CLCA1: variants seen among roughly 807,000 people sequenced by gnomAD.
The protein encoded by CLCA1 is calcium-activated chloride channel regulator 1.
A neutral mutation model predicts 85.6 loss-of-function variants in CLCA1; 59 were observed. The ratio of observed to expected loss-of-function variants is 0.69; its 90% CI spans 0.56 to 0.86. The LOEUF is 0.86. Among genes scored for constraint, CLCA1 ranks in the 40% least tolerant of loss-of-function variants. CLCA1 has a pLI of 0.00. For missense variants in CLCA1, 1,022 were observed against 1,101.4 expected (o/e 0.93, Z 1.02); for synonymous variants, 396 against 398.3 (o/e 0.99, Z 0.07).
chr1:86,494,351 C>T lies in CLCA1; in HGVS notation c.1845C>T (p.Arg615=), dbSNP rs1648218130. The T allele has an allele frequency of 6.2e-7, 1 of 1,614,166 alleles. No individual in the cohort carries two copies. Among genetic ancestry groups the T allele is most frequent in the Non-Finnish European group, 8.5e-7 (1 of 1,180,016 alleles). The change falls in exon 11 of 14, where the codon CGC becomes CGT. Residue 615 remains arginine, a synonymous_variant. Transcript: ENST00000394711. ...CTCTGGTAGTTTATGCAAATATTCG[C>T]CAAGGAGCCTCCCCAATTCTCAGGG... is the stretch of plus-strand genomic sequence containing the variant. ...PSPLVVYANI[R]QGASPILRAS...
intron 12 of CLCA1, among the ~76,000 whole-genome samples, chr1:86,497,394 G>T (rs554758472): frequency 1.3e-5 from 2 of 152,316 alleles, no homozygotes; most frequent in African/African-American, 4.8e-5. Flanking sequence ...CTATAAAGAG[G>T]TAGAGTTTAT....
At position 86,486,707 on chromosome 1, in the gene CLCA1, C is replaced by T. The variant is rs1289765361; in HGVS notation, c.1136C>T (p.Ala379Val). 2.5e-6 allele frequency: 4 copies of T among 1,614,082 alleles called. No individual in the cohort carries two copies. The highest frequency in any genetic ancestry group is 1.1e-5 in the South Asian group (1 of 91,090). ...CTCGCCAAAAGATTACCTGCAGCAG[C>T]TTCAGGAGGGACGTCCATCTGCAGC... Reference protein sequence around the residue: ...DTLAKRLPAAASGGTSICSGL... With the variant: ...DTLAKRLPAAVSGGTSICSGL... Residue 379 changes from alanine (A) to valine (V), a missense_variant, in exon 7 of 14, where the codon GCT becomes GTT. Transcript: ENST00000394711.
intron 3 of CLCA1, among the ~76,000 whole-genome samples, chr1:86,475,212 A>G (rs1458189055): frequency 6.6e-6 from 1 of 152,158 alleles, no homozygotes; most frequent in Admixed American, 6.5e-5. Flanking sequence ...TCCTTTCTGT[A>G]TTGTGACTCC....
chr1:86,495,925 G>A (rs1268224902), intron 12 of CLCA1, among the ~76,000 whole-genome samples: 3 of 152,140 alleles, frequency 2.0e-5, no homozygotes, highest in Non-Finnish European at 4.4e-5. Context: ...AATCAAAAAT[G>A]TCTCCATATG....
Position 86,489,220 on chromosome 1 carries a change from G to A in CLCA1, c.1357+50G>A, listed in dbSNP as rs1358071166. 15 of 1,518,344 alleles carry A rather than the reference G, an allele frequency of 9.9e-6. 1 individual carries two copies. In the Admixed American group the frequency reaches 2.7e-4, roughly 27 times the overall value. The allele number at this position is 1,518,344 out of a possible 1,614,324, so 94.1% of individuals were successfully genotyped here. ...CCGGTATTGTCTCTCCTACTGGACT[G>A]TGAGCTCCAGTGAACTGGGGAGTGG... is the stretch of plus-strand genomic sequence containing the variant. On this transcript the variant is annotated intron_variant, in intron 8 of 13. Transcript: ENST00000394711.
chr1:86,469,842 G>C lies in CLCA1; in HGVS notation c.162+709G>C, dbSNP rs550915443. 2.6e-5 allele frequency among the ~76,000 whole-genome samples: 4 copies of C among 152,266 alleles called. No homozygotes were observed. In the East Asian group the frequency reaches 7.7e-4, roughly 29 times the overall value. ...CACATCCAGAGGCAGTGCTGTACTA[G>C]TAACAGTATTAGTCTGTAAAATGGG... On this transcript the variant is annotated intron_variant, in intron 1 of 13. Coordinates refer to ENST00000394711, the MANE Select transcript of CLCA1 (RefSeq NM_001285.4).
At chr1:86,480,944 T>C (rs919376028) in intron 4 of CLCA1, among the ~76,000 whole-genome samples, 1 of 152,202 alleles carries the variant, frequency 6.6e-6, no homozygotes, top group Non-Finnish European at 1.5e-5. Flanking sequence ...CTTTTGGATA[T>C]AGTAATTACT....
In CLCA1 at chr1:86,468,991, C is replaced by T; in HGVS notation, c.20C>T (p.Ser7Phe). MGPFKS[S>F]VFILILHLLE... ...ACAGCAATGGGGCCATTTAAGAGTT[C>T]TGTGTTCATCTTGATTCTTCACCTT... The change falls in exon 1 of 14, where the codon TCT becomes TTT. Residue 7 changes from serine to phenylalanine, a missense_variant. Ser to Phe is a radical substitution (Grantham distance 155). Coordinates refer to ENST00000394711, the MANE Select transcript of CLCA1 (RefSeq NM_001285.4). The T allele has an allele frequency of 6.2e-7, 1 of 1,610,520 alleles. No homozygotes were observed. Among genetic ancestry groups the T allele is most frequent in the Non-Finnish European group, 8.5e-7 (1 of 1,178,242 alleles).
chr1:86,487,465 T>C (rs1228088226), intron 7 of CLCA1, among the ~76,000 whole-genome samples: 3 of 152,066 alleles, frequency 2.0e-5, no homozygotes, highest in East Asian at 3.9e-4. Flanking sequence ...GGATGCCCCC[T>C]GGGGTGGAGT....
intron 11 of CLCA1, 65 bp downstream of exon 11, chr1:86,494,513 G>C: frequency 1.3e-6 from 2 of 1,572,764 alleles, no homozygotes; most frequent in Non-Finnish European, 1.7e-6. Flanking sequence ...GGAATGCCAA[G>C]AGGGCATGGT....
intron 1 of CLCA1, 50 bp downstream of exon 1, chr1:86,469,183 T>G (rs1322867469): frequency 7.2e-7 from 1 of 1,395,880 alleles, no homozygotes; most frequent in Admixed American, 2.0e-5. Flanking sequence ...CATAATGTTG[T>G]GATAGAGAGA....
At chr1:86,483,407 A>G (rs906828672) in intron 5 of CLCA1, among the ~76,000 whole-genome samples, 1 of 152,218 alleles carries the variant, frequency 6.6e-6, no homozygotes, top group African/African-American at 2.4e-5. Flanking sequence ...TTGTACAACT[A>G]ATGATTACTT....
At position 86,498,806 on chromosome 1, in the gene CLCA1, G is replaced by T. The variant is rs1368018391; in HGVS notation, c.2348G>T (p.Gly783Val). The T allele has an allele frequency of 3.1e-6, 5 of 1,613,378 alleles. No individual in the cohort carries two copies. Among genetic ancestry groups the T allele is most frequent in the Non-Finnish European group, 8.5e-7 (1 of 1,179,500 alleles). Reference protein sequence around the residue: ...WTAPGDDYDHGTAHKYIIRIS... With the variant: ...WTAPGDDYDHVTAHKYIIRIS... The stretch of plus-strand genomic sequence containing the variant: ...GCTCCTGGGGATGATTATGACCATG[G>T]AACAGGTAAGCTGAACCTGGTGTGG... The change falls in exon 13 of 14, where the codon GGA becomes GTA. Residue 783 changes from glycine to valine, a missense_variant. Physicochemically the swap from Gly to Val is moderately radical, Grantham distance 109. Transcript: ENST00000394711.
chr1:86,482,823 G>A (rs956195164), intron 5 of CLCA1, among the ~76,000 whole-genome samples: 2 of 152,166 alleles, frequency 1.3e-5, no homozygotes, highest in Non-Finnish European at 2.9e-5. Context: ...ATCTTTTTAA[G>A]AGTGTTGGTT....
At chr1:86,471,159 G>A (rs975078351) in intron 1 of CLCA1, among the ~76,000 whole-genome samples, 2 of 148,184 alleles carry the variant, frequency 1.3e-5, no homozygotes, top group African/African-American at 4.9e-5. Flanking sequence ...ACGTCAGAAG[G>A]TACACAGTAG....
intron 1 of CLCA1, among the ~76,000 whole-genome samples, chr1:86,472,346 C>T (rs2101726945): frequency 6.6e-6 from 1 of 152,298 alleles, no homozygotes; most frequent in East Asian, 1.9e-4. Context: ...CGCCCTCCTC[C>T]CTATAGCTCT....
At position 86,476,463 on chromosome 1, in the gene CLCA1, A is replaced by G; in HGVS notation, c.467A>G (p.His156Arg). Residue 156 changes from histidine to arginine, a missense_variant, in exon 4 of 14, where the codon CAT becomes CGT. His to Arg is a conservative substitution (Grantham distance 29). Coordinates refer to ENST00000394711, the MANE Select transcript of CLCA1 (RefSeq NM_001285.4). Reference sequence around the variant, plus strand: ...TTTCTCACAGGTAGGGCATTTGTCCATGAGTGGGCTCATCTACGATGGGGA... The same window carrying G: ...TTTCTCACAGGTAGGGCATTTGTCCGTGAGTGGGCTCATCTACGATGGGGA... ...EYGPQGRAFV[H>R]EWAHLRWGVF... 6.3e-7 allele frequency: 1 copy of G among 1,593,480 alleles called. No homozygotes were observed.
At chr1:86,483,821 TATTA>T (rs1199597600) in intron 5 of CLCA1, among the ~76,000 whole-genome samples, 2 of 152,200 alleles carry the variant, frequency 1.3e-5, no homozygotes, top group African/African-American at 4.8e-5. Flanking sequence ...ATAGATGGTG[TATTA>T]ATTCATTTTC....
chr1:86,494,527 G>T lies in CLCA1; in HGVS notation c.1942+79G>T. The stretch of plus-strand genomic sequence containing the variant: ...GGGAATGCCAAGAGGGCATGGTCTG[G>T]TGAGGGCAGTTAGACAGGCAAGGCA... On this transcript the variant is annotated intron_variant, in intron 11 of 13. Coordinates refer to ENST00000394711, the MANE Select transcript of CLCA1 (RefSeq NM_001285.4). 4.6e-6 allele frequency: 7 copies of T among 1,510,564 alleles called. No individual in the cohort carries two copies. The South Asian group carries it at 8.5e-5, about 18-fold the overall frequency. The allele number at this position is 1,510,564 out of a possible 1,614,324, so 93.6% of individuals were successfully genotyped here.
Sources: gnomAD v4.1 joint callset for allele counts (sites outside exome capture counted in the v4.1 genomes callset) on GRCh38, gnomAD v4.1.1 for gene constraint, MANE v1.5 for transcripts, NCBI Gene and HGNC (gene_info 2026-07-23, HGNC 2026-07-21) for gene names.